AFG2A: variants seen among roughly 807,000 people sequenced by gnomAD.
AFG2A encodes the protein ATPase family gene 2 protein homolog A.
chr4:123,020,179 A>G, the AFG2A span, among the ~76,000 whole-genome samples: 1 of 151,922 alleles, frequency 6.6e-6, no homozygotes, highest in African/African-American at 2.4e-5. Context: ...TTATATATAC[A>G]TACAAACACA....
chr4:122,975,303 T>C, the AFG2A span, among the ~76,000 whole-genome samples: 2 of 151,434 alleles, frequency 1.3e-5, no homozygotes, highest in Admixed American at 6.6e-5. Context: ...GCCTTTCTTA[T>C]AGCTGTATTA....
chr4:123,107,836 G>A, the AFG2A span, among the ~76,000 whole-genome samples: 1 of 152,216 alleles, frequency 6.6e-6, no homozygotes, highest in Non-Finnish European at 1.5e-5. Context: ...CTGAGCACAG[G>A]CACACCCAGT....
the AFG2A span, among the ~76,000 whole-genome samples, chr4:122,926,540 G>A: frequency 1.3e-5 from 2 of 152,148 alleles, no homozygotes; most frequent in Non-Finnish European, 2.9e-5. Context: ...GAAATGTGTT[G>A]GGGAGTTGTT....
the AFG2A span, among the ~76,000 whole-genome samples, chr4:123,108,395 G>A: frequency 6.6e-6 from 1 of 151,478 alleles, no homozygotes; most frequent in Non-Finnish European, 1.5e-5. Flanking sequence ...AAAAAAAAAA[G>A]CTAGATTATA....
the AFG2A span, among the ~76,000 whole-genome samples, chr4:122,983,126 A>G: frequency 6.6e-6 from 1 of 152,054 alleles, no homozygotes; most frequent in African/African-American, 2.4e-5. Flanking sequence ...TCAGCCTCCC[A>G]AAGTGCTAGG....
chr4:123,032,155 G>C, the AFG2A span, among the ~76,000 whole-genome samples: 2 of 152,156 alleles, frequency 1.3e-5, no homozygotes, highest in Non-Finnish European at 2.9e-5. Context: ...GTAAATACAG[G>C]AATGTAATGA....
the AFG2A span, among the ~76,000 whole-genome samples, chr4:123,036,955 C>A: frequency 1.3e-5 from 2 of 151,976 alleles, no homozygotes; most frequent in Admixed American, 1.3e-4. Flanking sequence ...TTTCAAGTTC[C>A]TTTACTCACA....
At chr4:123,114,733 T>G in the AFG2A span, among the ~76,000 whole-genome samples, 1 of 152,154 alleles carries the variant, frequency 6.6e-6, no homozygotes, top group African/African-American at 2.4e-5. Context: ...GGGGCAGAGC[T>G]CCCGCCAGTC....
chr4:122,963,494 A>G, the AFG2A span, among the ~76,000 whole-genome samples: 2 of 152,186 alleles, frequency 1.3e-5, no homozygotes, highest in East Asian at 3.8e-4. Context: ...ATGTACTAAC[A>G]CATTTCTTCC....
At chr4:122,970,789 C>G in the AFG2A span, among the ~76,000 whole-genome samples, 1 of 151,264 alleles carries the variant, frequency 6.6e-6, no homozygotes, top group Non-Finnish European at 1.5e-5. Context: ...TCTCTTAGAA[C>G]GTATCCCTGT....
At chr4:123,051,299 TA>T in the AFG2A span, among the ~76,000 whole-genome samples, 1 of 151,880 alleles carries the variant, frequency 6.6e-6, no homozygotes, top group African/African-American at 2.4e-5. Flanking sequence ...TTGAGTCTTA[TA>T]AAAATATTAT....
chr4:123,085,625 T>C, the AFG2A span, among the ~76,000 whole-genome samples: 1 of 54,276 alleles, frequency 1.8e-5, no homozygotes, highest in Non-Finnish European at 4.3e-5. Flanking sequence ...AGGCAATATA[T>C]AGTTAGGTCT....
chr4:123,228,539 C>T, the AFG2A span, among the ~76,000 whole-genome samples: 3 of 151,944 alleles, frequency 2.0e-5, no homozygotes, highest in African/African-American at 7.2e-5. Flanking sequence ...GTGGATGAAT[C>T]TCAGTCAGAT....
the AFG2A span, among the ~76,000 whole-genome samples, chr4:122,997,490 A>G: frequency 6.6e-6 from 1 of 152,202 alleles, no homozygotes; most frequent in East Asian, 1.9e-4. Context: ...TTTAACTGCC[A>G]GATCATATTC....
chr4:123,114,608 G>C, the AFG2A span, among the ~76,000 whole-genome samples: 1 of 152,220 alleles, frequency 6.6e-6, no homozygotes, highest in East Asian at 1.9e-4. Flanking sequence ...CCCTGAGTCT[G>C]CTGATGATGG....
chr4:123,295,872 A>T, the AFG2A span, among the ~76,000 whole-genome samples: 1 of 152,194 alleles, frequency 6.6e-6, no homozygotes, highest in Non-Finnish European at 1.5e-5. Flanking sequence ...GCATCACACC[A>T]CCTCACCAGC....
At chr4:123,170,865 G>C in the AFG2A span, among the ~76,000 whole-genome samples, 2 of 151,790 alleles carry the variant, frequency 1.3e-5, no homozygotes, top group Non-Finnish European at 2.9e-5. Flanking sequence ...CGTTAGTTTT[G>C]TGACTTGGGC....
the AFG2A span, among the ~76,000 whole-genome samples, chr4:123,062,770 A>G: frequency 6.6e-6 from 1 of 152,232 alleles, no homozygotes; most frequent in African/African-American, 2.4e-5. Context: ...ATCTTATGGT[A>G]CCAGCTTCAT....
chr4:123,246,589 A>C, the AFG2A span, among the ~76,000 whole-genome samples: 55 of 151,918 alleles, frequency 3.6e-4, no homozygotes, highest in African/African-American at 1.3e-3. Flanking sequence ...GCTTCCCAAA[A>C]TTTTTCATGA....
Sources: allele counts gnomAD v4.1 joint callset (sites outside exome capture counted in the v4.1 genomes callset), GRCh38; gene constraint gnomAD v4.1.1; transcripts MANE v1.5; gene names NCBI Gene and HGNC (gene_info 2026-07-23, HGNC 2026-07-21).